ACTR1A: variants seen among roughly 807,000 people sequenced by gnomAD.
ACTR1A encodes the protein alpha-centractin.
A neutral mutation model predicts 50.7 loss-of-function variants in ACTR1A; 10 were observed. The ratio of observed to expected loss-of-function variants is 0.20; its 90% confidence interval spans 0.12 to 0.33. The LOEUF is 0.33. Ranked by LOEUF, ACTR1A falls within the 10% of genes least tolerant of loss-of-function variation. The pLI, the probability that ACTR1A is intolerant of heterozygous loss-of-function variation, is 1.00. For synonymous variants in ACTR1A, 177 were observed against 184.2 expected, an observed-to-expected ratio of 0.96 and a Z score of 0.32; for missense variants, 253 against 491.7, an observed-to-expected ratio of 0.51 and a Z score of 4.59.
chr10:102,496,335 T>C, intron 1 of ACTR1A, among the ~76,000 whole-genome samples: 1 of 152,212 alleles, frequency 6.6e-6, no homozygotes, highest in Non-Finnish European at 1.5e-5. Context: ...CTGGAAGAGG[T>C]GCCTTTCAGG....
chr10:102,485,792 C>T (rs2296585), intron 4 of ACTR1A, 59 bp from the exon 5 acceptor site: 543,007 of 1,600,880 alleles, frequency 0.34, 93,540 homozygotes, highest in Admixed American at 0.39. Context: ...CTTCATTAGT[C>T]TTAGGGGAGA....
At chr10:102,481,731 A>G (rs2062143451) in intron 9 of ACTR1A, 106 bp downstream of exon 9, 1 of 1,356,478 alleles carries the variant, frequency 7.4e-7, no homozygotes, top group Non-Finnish European at 1.0e-6. Context: ...TTGTAGAGCC[A>G]TGGCTGCTTG....
rs556581302 is a variant in ACTR1A at position 102,499,410 on chromosome 10, C to T, written c.48+3190G>A. On this transcript the variant is annotated intron_variant, in intron 1 of 10. Coordinates refer to ENST00000369905, the MANE Select transcript of ACTR1A (RefSeq NM_005736.4). ...AGGAAAATGACTTAAGTTTCTCCTA[C>T]TTCACCTTTTGGCAGAAATACTGGC... 2.6e-5 allele frequency among the ~76,000 whole-genome samples: 4 copies of T among 152,274 alleles called. No homozygotes were observed. In the South Asian group the frequency reaches 8.3e-4, roughly 32 times the overall value.
rs780168984 is a variant in ACTR1A, at chr10:102,484,242, C to T, written c.575G>A (p.Arg192His). 21 of 1,614,060 alleles carry T rather than the reference C, an allele frequency of 1.3e-5. No homozygotes were observed. The highest frequency in any genetic ancestry group is 6.7e-5 in the East Asian group (3 of 44,896). Residue 192 changes from arginine (R) to histidine (H), a missense_variant, in exon 6 of 11, where the codon CGC (arginine) becomes CAC (histidine). This residue lies in a region of ACTR1A where 116 missense variants were observed against 155.9 expected (regional missense o/e 0.74). Coordinates refer to ENST00000369905, the MANE Select transcript of ACTR1A (RefSeq NM_005736.4). Reference sequence around the variant, plus strand: ...CTTACGCAGGTAGAGGCGCAGGAAGCGAGAGACGTCCCGGCCCGCGATGTC... The same window carrying T: ...CTTACGCAGGTAGAGGCGCAGGAAGTGAGAGACGTCCCGGCCCGCGATGTC... Reference protein sequence around the residue: ...RIDIAGRDVSRFLRLYLRKEG... With the variant: ...RIDIAGRDVSHFLRLYLRKEG...
chr10:102,495,832 C>T (rs1320053744), intron 1 of ACTR1A, among the ~76,000 whole-genome samples: 7 of 143,678 alleles, frequency 4.9e-5, no homozygotes, highest in Non-Finnish European at 9.0e-5. Flanking sequence ...GTGATCTCGG[C>T]TCACTGCAAG....
intron 4 of ACTR1A, among the ~76,000 whole-genome samples, chr10:102,486,763 C>G (rs1056987551): frequency 7.3e-5 from 11 of 150,992 alleles, no homozygotes; most frequent in African/African-American, 2.7e-4. Flanking sequence ...TACACCTAGT[C>G]TGCACCTCTC....
Position 102,479,674 on chromosome 10 carries a change from T to C in ACTR1A, c.*1189A>G. ...GCACAAGATCAGCCCAGAGGGGGCCTTCCCACCTCTACAACCTAGTCCCCT... is the reference window on the plus strand; with the variant it reads ...GCACAAGATCAGCCCAGAGGGGGCCCTCCCACCTCTACAACCTAGTCCCCT... On this transcript the variant is annotated 3_prime_UTR_variant, in exon 11 of 11. Transcript: ENST00000369905. The surrounding 1 kb of genome is among the most constrained non-coding windows in gnomAD (Gnocchi z 4.0). 12 of 1,289,418 alleles carry C rather than the reference T, an allele frequency of 9.3e-6. No homozygotes were observed. Among genetic ancestry groups the C allele is most frequent in the Non-Finnish European group, 1.2e-5 (12 of 988,782 alleles). 79.9% of individuals were successfully genotyped at this position (1,289,418 alleles called of 1,614,324 possible).
At chr10:102,484,059 C>T (rs991041220) in intron 6 of ACTR1A, 101 bp downstream of exon 6, 2 of 1,146,688 alleles carry the variant, frequency 1.7e-6, no homozygotes, top group South Asian at 2.7e-5. Flanking sequence ...CAGGGACCCC[C>T]AGGCAGGTGC....
At chr10:102,499,092 G>A (rs1175694052) in intron 1 of ACTR1A, among the ~76,000 whole-genome samples, 1 of 152,012 alleles carries the variant, frequency 6.6e-6, no homozygotes, top group African/African-American at 2.4e-5. Context: ...ATTGGGAAAG[G>A]CTGTGAACTT....
Position 102,484,201 on chromosome 10 carries a change from G to A in ACTR1A, c.616C>T (p.His206Tyr). 6.2e-7 allele frequency: 1 copy of A among 1,614,240 alleles called. No homozygotes were observed. The highest frequency in any genetic ancestry group is 8.5e-7 in the Non-Finnish European group (1 of 1,180,040). ...LYLRKEGYDF[H>Y]SSSEFEIVKA... is the part of the protein sequence containing the mutation. Reference sequence around the variant, plus strand: ...ACAATCTCAAACTCAGAGGATGAGTGGAAGTCGTAGCCCTCCTTACGCAGG... The same window carrying A: ...ACAATCTCAAACTCAGAGGATGAGTAGAAGTCGTAGCCCTCCTTACGCAGG... The change falls in exon 6 of 11, where the codon CAC (histidine) becomes TAC (tyrosine). Residue 206 changes from histidine to tyrosine, a missense_variant. Coordinates refer to ENST00000369905, the MANE Select transcript of ACTR1A (RefSeq NM_005736.4).
At chr10:102,486,130 C>T (rs559186718) in intron 4 of ACTR1A, among the ~76,000 whole-genome samples, 13 of 152,228 alleles carry the variant, frequency 8.5e-5, no homozygotes, top group Non-Finnish European at 1.5e-4. Context: ...GGCAGGTAAG[C>T]GAGCATTATT....
rs2062145258 is a variant in ACTR1A, at chr10:102,482,011, G to A, written c.915C>T (p.Thr305=). 9.3e-6 allele frequency: 15 copies of A among 1,614,178 alleles called. No homozygotes were observed. The highest frequency in any genetic ancestry group is 1.2e-5 in the Non-Finnish European group (14 of 1,180,032). ...AGAGAAGAGACAAACCTTTGAACAG[G>A]GTAGAGCCTCCTGAGAGGACAATGT... ...FSNIVLSGGS[T]LFKGFGDRLL... Residue 305 remains threonine (T), a synonymous_variant, in exon 8 of 11, where the codon ACC becomes ACT. Coordinates refer to ENST00000369905, the MANE Select transcript of ACTR1A (RefSeq NM_005736.4). The surrounding 1 kb of genome is among the most constrained non-coding windows in gnomAD (Gnocchi z 5.6).
Position 102,502,705 on chromosome 10 carries a change from C to A in ACTR1A, c.-58G>T. ...TGCCCAGCCGGGTCCGCCGCTAGCG[C>A]CACTGACACGCATGCGCAGTCTAGC... On this transcript the variant is annotated 5_prime_UTR_variant, in exon 1 of 11. Transcript: ENST00000369905. 6.3e-7 allele frequency: 1 copy of A among 1,591,370 alleles called. No individual in the cohort carries two copies. Among genetic ancestry groups the A allele is most frequent in the East Asian group, 2.2e-5 (1 of 44,754 alleles).
At chr10:102,481,380 G>GC (rs11461690) in intron 9 of ACTR1A, among the ~76,000 whole-genome samples, 6,874 of 134,510 alleles carry the variant, frequency 0.051, 511 homozygotes, top group African/African-American at 0.17. Context: ...TGGGACTATT[G>GC]GGGGGGGCAG....
intron 6 of ACTR1A, 191 bp downstream of exon 6, chr10:102,483,969 A>T: frequency 1.7e-6 from 1 of 595,124 alleles, no homozygotes; most frequent in Non-Finnish European, 3.0e-6. Flanking sequence ...CCTTTCCCCC[A>T]ACAAGATGGC....
chr10:102,491,485 T>C (rs55920875), intron 1 of ACTR1A, among the ~76,000 whole-genome samples: 35,066 of 152,080 alleles, frequency 0.23, 4,496 homozygotes, highest in South Asian at 0.34. Flanking sequence ...GGGAGATTTT[T>C]GTTGTTGTTT....
rs185076912 is a variant in ACTR1A at position 102,492,517 on chromosome 10, C to T, written c.49-1904G>A. On this transcript the variant is annotated intron_variant, in intron 1 of 10. Coordinates refer to ENST00000369905, the MANE Select transcript of ACTR1A (RefSeq NM_005736.4). ...TGGGGTGGAGTGTGGTATTTACTGACCTCATTCTACAAGCACTGAACACAC... is the reference window on the plus strand; with the variant it reads ...TGGGGTGGAGTGTGGTATTTACTGATCTCATTCTACAAGCACTGAACACAC... Among the ~76,000 whole-genome samples the T allele has an allele frequency of 4.6e-5, 7 of 152,278 alleles. 1 individual carries two copies. Among genetic ancestry groups the T allele is most frequent in the African/African-American group, 1.7e-4 (7 of 41,552 alleles).
intron 1 of ACTR1A, among the ~76,000 whole-genome samples, chr10:102,492,319 T>C (rs1254367256): frequency 3.9e-5 from 6 of 152,058 alleles, no homozygotes; most frequent in Admixed American, 3.9e-4. Flanking sequence ...TCCACCTGCC[T>C]CGGCCTCCCA....
At chr10:102,486,425 C>T (rs2062168276) in intron 4 of ACTR1A, among the ~76,000 whole-genome samples, 1 of 152,130 alleles carries the variant, frequency 6.6e-6, no homozygotes. Context: ...CGTGGTGGCT[C>T]ACACCTGTAA....
Sources: gnomAD v4.1 joint callset for allele counts (sites outside exome capture counted in the v4.1 genomes callset) on GRCh38, gnomAD v4.1.1 for gene constraint, gnomAD v4.1.1 regional missense constraint, Gnocchi (gnomAD v3.1) non-coding constraint, MANE v1.5 for transcripts, NCBI Gene and HGNC (gene_info 2026-07-23, HGNC 2026-07-21) for gene names.